Variants in ULK4 observed in about 807,000 individuals in gnomAD.
The protein encoded by ULK4 is inactive serine/threonine-protein kinase ULK4.
A neutral mutation model predicts 160.6 loss-of-function variants in ULK4; 133 were observed. The observed-to-expected ratio is 0.83, with a 90% CI of 0.72 to 0.96. The LOEUF (loss-of-function observed/expected upper bound fraction) is 0.96, where lower values mean the gene tolerates loss of function less well. Among genes scored for constraint, ULK4 ranks in the 40% least tolerant of loss-of-function variants. ULK4 has a pLI of 0.00. For missense variants in ULK4, 1,580 were observed against 1,499.5 expected (o/e 1.05, Z -0.89); for synonymous variants, 534 against 539.8 (o/e 0.99, Z 0.15).
At chr3:41,721,349 TATATATATATA>T (rs2037457433) in intron 22 of ULK4, among the ~76,000 whole-genome samples, 1 of 60,700 alleles carries the variant, frequency 1.6e-5, no homozygotes, top group African/African-American at 8.5e-5. Context: ...TATATATATA[TATATATATATA>T]TATTTTTTTT....
chr3:41,937,367 A>G (rs765372044), intron 3 of ULK4: 27 of 688,872 alleles, frequency 3.9e-5, no homozygotes, highest in Middle Eastern at 2.3e-4. Context: ...ATAAAATCAA[A>G]TAAGTTATTA....
intron 34 of ULK4, among the ~76,000 whole-genome samples, chr3:41,415,894 T>C (rs1414783699): frequency 1.3e-5 from 2 of 152,116 alleles, no homozygotes; most frequent in South Asian, 2.1e-4. Context: ...AAGACCCCAA[T>C]GGCAAGTGAT....
Position 41,954,749 on chromosome 3 carries a change from AAGTTTTCCATCTCTGG to A in ULK4, c.-6_10del. ...TCTTCCGATCTCCTCATACAGAATAAAGTTTTCCATCTCTGGGCCGACTTCTCACATACAATAGAAT... is the reference window on the plus strand; with the variant it reads ...TCTTCCGATCTCCTCATACAGAATAAGCCGACTTCTCACATACAATAGAAT... On this transcript the variant is annotated start_lost and 5_prime_UTR_variant, in exon 2 of 37. Coordinates refer to ENST00000301831, the MANE Select transcript of ULK4 (RefSeq NM_017886.4). The A allele has an allele frequency of 6.2e-7, 1 of 1,612,194 alleles. No homozygotes were observed.
At chr3:41,432,421 C>T (rs2082934611) in intron 34 of ULK4, among the ~76,000 whole-genome samples, 1 of 152,110 alleles carries the variant, frequency 6.6e-6, no homozygotes, top group Non-Finnish European at 1.5e-5. Flanking sequence ...CCCGAAAATG[C>T]TTTTTCTGGA....
chr3:41,771,886 T>G (rs914264914), intron 21 of ULK4, among the ~76,000 whole-genome samples: 3 of 152,194 alleles, frequency 2.0e-5, no homozygotes, highest in Non-Finnish European at 4.4e-5. Context: ...ATCTTAGTAT[T>G]TGAAACTTGT....
intron 35 of ULK4, among the ~76,000 whole-genome samples, chr3:41,349,037 T>C (rs1222510418): frequency 6.6e-6 from 1 of 152,130 alleles, no homozygotes; most frequent in Non-Finnish European, 1.5e-5. Flanking sequence ...GAGACACTGG[T>C]CCAAACAGAA....
chr3:41,710,472 G>A (rs2037054190), intron 25 of ULK4, among the ~76,000 whole-genome samples: 1 of 152,108 alleles, frequency 6.6e-6, no homozygotes, highest in Non-Finnish European at 1.5e-5. Context: ...GCTAGGGTAG[G>A]TGGAGACTTA....
At chr3:41,343,620 ACTT>A (rs1284161302) in intron 35 of ULK4, among the ~76,000 whole-genome samples, 3 of 151,972 alleles carry the variant, frequency 2.0e-5, no homozygotes, top group Non-Finnish European at 1.5e-5. Context: ...ACTCTCAAAA[ACTT>A]CTTAAGTTGA....
chr3:41,622,577 C>T (rs532406489), intron 30 of ULK4, among the ~76,000 whole-genome samples: 29 of 152,084 alleles, frequency 1.9e-4, no homozygotes, highest in African/African-American at 6.8e-4. Flanking sequence ...AGGAGGGGAA[C>T]ATCATACACC....
At chr3:41,306,236 C>A (rs868065299) in intron 35 of ULK4, among the ~76,000 whole-genome samples, 974 of 88,744 alleles carry the variant, frequency 0.011, 91 homozygotes, top group African/African-American at 0.022. Flanking sequence ...GTCAGCCCCC[C>A]GCCCGGCCAG....
intron 22 of ULK4, among the ~76,000 whole-genome samples, chr3:41,745,167 C>T (rs947666068): frequency 6.7e-6 from 1 of 150,156 alleles, no homozygotes; most frequent in East Asian, 2.0e-4. Context: ...AGAAAAAGAG[C>T]AAAACAAAGC....
At chr3:41,433,002 C>G (rs2082949140) in intron 34 of ULK4, among the ~76,000 whole-genome samples, 1 of 151,896 alleles carries the variant, frequency 6.6e-6, no homozygotes, top group African/African-American at 2.4e-5. Flanking sequence ...CTTAAAGACA[C>G]TGATAAATTT....
intron 35 of ULK4, among the ~76,000 whole-genome samples, chr3:41,333,953 G>A (rs2080499854): frequency 6.6e-6 from 1 of 152,088 alleles, no homozygotes; most frequent in South Asian, 2.1e-4. Flanking sequence ...TCCAGACTTG[G>A]TTTTCTTATT....
intron 35 of ULK4, among the ~76,000 whole-genome samples, chr3:41,336,722 C>T (rs1358895015): frequency 6.6e-6 from 1 of 152,154 alleles, no homozygotes; most frequent in Non-Finnish European, 1.5e-5. Flanking sequence ...TTCCACAAAG[C>T]CTGGGATTGG....
At chr3:41,746,995 A>G (rs769679047) in intron 22 of ULK4, among the ~76,000 whole-genome samples, 1 of 152,012 alleles carries the variant, frequency 6.6e-6, no homozygotes, top group Non-Finnish European at 1.5e-5. Context: ...TTTATACTTT[A>G]TGCGTAAAAT....
intron 32 of ULK4, among the ~76,000 whole-genome samples, chr3:41,484,654 G>A (rs569626155): frequency 4.4e-4 from 67 of 152,034 alleles, no homozygotes; most frequent in African/African-American, 8.2e-4. Flanking sequence ...GGGTTTCACC[G>A]TGTTAGCCAG....
At chr3:41,932,684 T>C (rs538799363) in intron 4 of ULK4, among the ~76,000 whole-genome samples, 1 of 152,356 alleles carries the variant, frequency 6.6e-6, no homozygotes, top group East Asian at 1.9e-4. Flanking sequence ...CTGTTACTTT[T>C]ATTATTTCCC....
chr3:41,565,025 C>T (rs1300599614), intron 32 of ULK4, among the ~76,000 whole-genome samples: 1 of 152,218 alleles, frequency 6.6e-6, no homozygotes, highest in Admixed American at 6.5e-5. Flanking sequence ...TATACAAATA[C>T]TTACACCTCT....
At chr3:41,907,967 T>A in intron 11 of ULK4, 26 bp from the exon 12 acceptor site, 1 of 1,519,006 alleles carries the variant, frequency 6.6e-7, no homozygotes, top group Non-Finnish European at 9.0e-7. Flanking sequence ...CAGTTAACAT[T>A]ATTCAATTCC....
Sources: gnomAD v4.1 joint callset for allele counts (sites outside exome capture counted in the v4.1 genomes callset) on GRCh38, gnomAD v4.1.1 for gene constraint, MANE v1.5 for transcripts, NCBI Gene and HGNC (gene_info 2026-07-23, HGNC 2026-07-21) for gene names.